The following TMEM163 variants were observed in gnomAD, a reference collection of about 807,000 sequenced individuals.
The protein encoded by TMEM163 is transmembrane protein 163.
TMEM163 carries 17 observed loss-of-function variants against 29.3 expected under a neutral mutation model. The observed-to-expected ratio is 0.58, with a 90% CI of 0.40 to 0.87. The LOEUF (loss-of-function observed/expected upper bound fraction) is 0.87, where lower values mean the gene tolerates loss of function less well. Ranked by LOEUF, TMEM163 falls within the 40% of genes least tolerant of loss-of-function variation. TMEM163 has a pLI of 0.00. For missense variants in TMEM163, 303 were observed against 381.5 expected (o/e 0.79, Z 1.71); for synonymous variants, 157 against 160.6 (o/e 0.98, Z 0.17).
At chr2:134,507,809 A>T (rs1488653497) in intron 4 of TMEM163, among the ~76,000 whole-genome samples, 1 of 152,148 alleles carries the variant, frequency 6.6e-6, no homozygotes, top group East Asian at 1.9e-4. Context: ...GTGAGCCATG[A>T]TCGTGCCACT....
At chr2:134,705,118 G>T (rs962326459) in intron 2 of TMEM163, among the ~76,000 whole-genome samples, 10 of 151,822 alleles carry the variant, frequency 6.6e-5, no homozygotes. Context: ...GCTGAGGCAG[G>T]AGAATCACTT....
rs941701470 is a variant in TMEM163 at position 134,531,227 on chromosome 2, G to C, written c.458+19343C>G. Among the ~76,000 whole-genome samples the C allele has an allele frequency of 1.3e-5, 2 of 152,338 alleles. 1 individual carries two copies. Among genetic ancestry groups the C allele is most frequent in the Admixed American group, 1.3e-4 (2 of 15,310 alleles). ...AGTGGACAGAGGCCGACGAAGGCGA[G>C]GTGGTGTGTGGGTATGAGAAAACCA... is the stretch of plus-strand genomic sequence containing the variant. On this transcript the variant is annotated intron_variant, in intron 4 of 7. Transcript: ENST00000281924.
chr2:134,535,177 G>C (rs1203684733), intron 4 of TMEM163, among the ~76,000 whole-genome samples: 1 of 152,134 alleles, frequency 6.6e-6, no homozygotes, highest in East Asian at 1.9e-4. Context: ...ATTTGAACTT[G>C]GATTTTAAAA....
chr2:134,527,060 T>C (rs1238131254), intron 4 of TMEM163, among the ~76,000 whole-genome samples: 1 of 152,204 alleles, frequency 6.6e-6, no homozygotes, highest in Non-Finnish European at 1.5e-5. Flanking sequence ...TAGGGAGTTA[T>C]CAATTAATTC....
intron 2 of TMEM163, among the ~76,000 whole-genome samples, chr2:134,614,139 G>GA (rs1234453522): frequency 6.6e-6 from 1 of 152,062 alleles, no homozygotes; most frequent in Non-Finnish European, 1.5e-5. Context: ...ATATGTCAAT[G>GA]AAACAAAACA....
chr2:134,539,107 A>G (rs1680604367), intron 4 of TMEM163, among the ~76,000 whole-genome samples: 1 of 152,152 alleles, frequency 6.6e-6, no homozygotes, highest in South Asian at 2.1e-4. Context: ...GTACCAAGCA[A>G]TGTTATTATC....
chr2:134,606,070 T>C (rs1409989070), intron 2 of TMEM163, among the ~76,000 whole-genome samples: 2 of 152,150 alleles, frequency 1.3e-5, no homozygotes, highest in African/African-American at 2.4e-5. Context: ...GAAGGGGATA[T>C]ACTGAAAATG....
chr2:134,550,351 G>A (rs548459335), intron 4 of TMEM163, among the ~76,000 whole-genome samples: 3 of 152,266 alleles, frequency 2.0e-5, no homozygotes, highest in East Asian at 1.9e-4. Context: ...CAAAATCTGA[G>A]AACAGAGAAA....
At chr2:134,675,870 A>G (rs900972518) in intron 2 of TMEM163, among the ~76,000 whole-genome samples, 8 of 152,164 alleles carry the variant, frequency 5.3e-5, no homozygotes, top group Non-Finnish European at 4.4e-5. Flanking sequence ...TAACTCCCCC[A>G]AAACAGGAGG....
rs1686381642 is a variant in TMEM163 at position 134,456,109 on chromosome 2, T to A, written c.*607A>T. Reference sequence around the variant, plus strand: ...GAAAAGGTCAATGTGCTTATTTAATTCGTCCATGCAAAGCTTATACGTGTA... The same window carrying A: ...GAAAAGGTCAATGTGCTTATTTAATACGTCCATGCAAAGCTTATACGTGTA... On this transcript the variant is annotated 3_prime_UTR_variant, in exon 8 of 8. Transcript: ENST00000281924. 1 of 152,698 alleles carries A rather than the reference T, an allele frequency of 6.5e-6. No individual in the cohort carries two copies. Among genetic ancestry groups the A allele is most frequent in the Non-Finnish European group, 1.5e-5 (1 of 68,092 alleles). 9.5% of individuals were successfully genotyped at this position (152,698 alleles called of 1,614,324 possible). A position where few individuals can be genotyped will look rare whatever the true frequency, so the allele number is the denominator to read the frequency against.
At chr2:134,465,920 CCAGGGCA>C (rs1232381952) in intron 6 of TMEM163, among the ~76,000 whole-genome samples, 187 bp downstream of exon 6, 1 of 152,134 alleles carries the variant, frequency 6.6e-6, no homozygotes, top group Non-Finnish European at 1.5e-5. Context: ...TATTGAATTC[CCAGGGCA>C]CAGGATATCT....
At chr2:134,550,007 T>A (rs1680876922) in intron 4 of TMEM163, among the ~76,000 whole-genome samples, 1 of 152,150 alleles carries the variant, frequency 6.6e-6, no homozygotes, top group South Asian at 2.1e-4. Context: ...GGAACCTGTG[T>A]CCTTATTACC....
In TMEM163 at chr2:134,458,081, C is replaced by A; in HGVS notation, c.760G>T (p.Gly254Cys). 1.2e-6 allele frequency: 2 copies of A among 1,614,170 alleles called. No individual in the cohort carries two copies. The highest frequency in any genetic ancestry group is 1.7e-6 in the Non-Finnish European group (2 of 1,180,030). ...KHDSAVWYLDGSIGVLIGLTI... is the reference protein window; with the variant it reads ...KHDSAVWYLDCSIGVLIGLTI... Reference sequence around the variant, plus strand: ...AGGCCGATCAGAACGCCTATGCTGCCGTCCAGGTACCAGACCGCCGAGTCA... The same window carrying A: ...AGGCCGATCAGAACGCCTATGCTGCAGTCCAGGTACCAGACCGCCGAGTCA... The change falls in exon 7 of 8, where the codon GGC becomes TGC. Residue 254 changes from glycine (G) to cysteine (C), a missense_variant. This residue lies in a region of TMEM163 where 203 missense variants were observed against 294.3 expected (regional missense o/e 0.69). Transcript: ENST00000281924.
chr2:134,573,536 C>T (rs1414620268), intron 2 of TMEM163, among the ~76,000 whole-genome samples: 1 of 152,094 alleles, frequency 6.6e-6, no homozygotes, highest in Non-Finnish European at 1.5e-5. Flanking sequence ...CAGGGCAGCC[C>T]CACAGCAAAG....
At chr2:134,550,184 T>C (rs79840226) in intron 4 of TMEM163, among the ~76,000 whole-genome samples, 2,039 of 152,236 alleles carry the variant, frequency 0.013, 55 homozygotes, top group African/African-American at 0.046. Flanking sequence ...TAGAATAATT[T>C]AGAATGCCCT....
intron 2 of TMEM163, among the ~76,000 whole-genome samples, chr2:134,581,637 G>T (rs905354576): frequency 6.6e-6 from 1 of 151,926 alleles, no homozygotes; most frequent in East Asian, 1.9e-4. Flanking sequence ...ATGGGGGCGG[G>T]GGGGAGATGA....
intron 2 of TMEM163, among the ~76,000 whole-genome samples, chr2:134,680,401 G>A (rs894994292): frequency 6.6e-6 from 1 of 151,486 alleles, no homozygotes; most frequent in Non-Finnish European, 1.5e-5. Flanking sequence ...GTAGTGAGGC[G>A]AGATCGCACC....
At chr2:134,570,241 A>G (rs1558948787) in intron 2 of TMEM163, among the ~76,000 whole-genome samples, 1 of 152,182 alleles carries the variant, frequency 6.6e-6, no homozygotes, top group Non-Finnish European at 1.5e-5. Flanking sequence ...GAAGAAGGAA[A>G]AAAGAAACTT....
intron 2 of TMEM163, among the ~76,000 whole-genome samples, chr2:134,556,715 G>A (rs1681056634): frequency 6.6e-6 from 1 of 152,196 alleles, no homozygotes; most frequent in South Asian, 2.1e-4. Flanking sequence ...CAGCTACTCA[G>A]GAGGCTGAGG....
Sources: allele counts gnomAD v4.1 joint callset (sites outside exome capture counted in the v4.1 genomes callset), GRCh38; gene constraint gnomAD v4.1.1; regional missense constraint gnomAD v4.1.1; transcripts MANE v1.5; gene names NCBI Gene and HGNC (gene_info 2026-07-23, HGNC 2026-07-21).